The following PKHD1 variants were observed in gnomAD, a reference collection of about 807,000 sequenced individuals.
PKHD1 encodes fibrocystin.
Under a neutral mutation model 412.0 loss-of-function variants are expected in PKHD1, and 291 were observed. The observed-to-expected ratio is 0.71, with a 90% CI of 0.64 to 0.78. The LOEUF (loss-of-function observed/expected upper bound fraction) is 0.78, where lower values mean the gene tolerates loss of function less well. PKHD1 is among the 30% of genes least tolerant of loss of function. PKHD1 has a pLI of 0.00. For synonymous variants in PKHD1, 1,777 were observed against 1,821.5 expected (o/e 0.98, Z 0.62); for missense variants, 4,825 against 4,950.7 (o/e 0.97, Z 0.76).
At chr6:51,979,550 T>G (rs1794880427) in intron 35 of PKHD1, among the ~76,000 whole-genome samples, 3 of 151,166 alleles carry the variant, frequency 2.0e-5, no homozygotes, top group Admixed American at 1.3e-4. Context: ...TCCCTCTCTC[T>G]CTCCTCCTCC....
At chr6:51,758,497 C>T (rs1787438579) in intron 55 of PKHD1, among the ~76,000 whole-genome samples, 1 of 152,110 alleles carries the variant, frequency 6.6e-6, no homozygotes, top group African/African-American at 2.4e-5. Flanking sequence ...GCTCAAAATC[C>T]CAGCTGTATT....
intron 64 of PKHD1, among the ~76,000 whole-genome samples, chr6:51,633,221 G>A (rs2088555986): frequency 6.6e-6 from 1 of 152,138 alleles, no homozygotes; most frequent in African/African-American, 2.4e-5. Flanking sequence ...TAGAACAATG[G>A]CAGATAGAAC....
At chr6:52,028,492 A>G in intron 29 of PKHD1, 141 bp from the exon 30 acceptor site, 1 of 779,828 alleles carries the variant, frequency 1.3e-6, no homozygotes. Flanking sequence ...ATACCAACCT[A>G]AATTTTTCAA....
At chr6:51,840,986 T>G (rs1030539566) in intron 50 of PKHD1, among the ~76,000 whole-genome samples, 5 of 152,168 alleles carry the variant, frequency 3.3e-5, no homozygotes, top group Non-Finnish European at 7.4e-5. Flanking sequence ...AGTTAGGTTT[T>G]AAAAATAAGA....
At chr6:51,886,734 C>A (rs1778274532) in intron 44 of PKHD1, among the ~76,000 whole-genome samples, 1 of 151,992 alleles carries the variant, frequency 6.6e-6, no homozygotes, top group African/African-American at 2.4e-5. Flanking sequence ...TGGCAAAATG[C>A]CAAAGTATAG....
intron 61 of PKHD1, among the ~76,000 whole-genome samples, chr6:51,657,125 A>T (rs1771993137): frequency 6.6e-6 from 1 of 151,762 alleles, no homozygotes; most frequent in South Asian, 2.1e-4. Flanking sequence ...AATAATAAAA[A>T]AAAAAAAAAG....
chr6:51,910,283 A>G (rs1782751489), intron 39 of PKHD1, among the ~76,000 whole-genome samples: 1 of 152,138 alleles, frequency 6.6e-6, no homozygotes, highest in Admixed American at 6.6e-5. Flanking sequence ...TGGATAATAA[A>G]GATTTTTCAT....
At chr6:51,848,097 A>C in intron 49 of PKHD1, 127 bp from the exon 50 acceptor site, 1 of 705,124 alleles carries the variant, frequency 1.4e-6, no homozygotes, top group South Asian at 1.5e-5. Flanking sequence ...GAAATCATAC[A>C]ATTTAGACCC....
At chr6:52,079,814 G>T in intron 5 of PKHD1, 86 bp downstream of exon 5, 1 of 806,950 alleles carries the variant, frequency 1.2e-6, no homozygotes. Flanking sequence ...AAGCAGACAC[G>T]CTGGCTCATT....
rs565528098 is a variant in PKHD1, at chr6:51,867,870, T to C, written c.7726A>G (p.Ile2576Val). The change falls in exon 48 of 67, where the codon ATT becomes GTT. Residue 2576 changes from isoleucine (I) to valine (V), a missense_variant. By Grantham distance (29) the Ile-to-Val change is conservative (BLOSUM62 3). Coordinates refer to ENST00000371117, the MANE Select transcript of PKHD1 (RefSeq NM_138694.4). ...ATAGTTAATTCCACTTACAAACCAATAGACATACGATGAAAAAGAACACCT... is the reference window on the plus strand; with the variant it reads ...ATAGTTAATTCCACTTACAAACCAACAGACATACGATGAAAAAGAACACCT... ...GGGVLFHRMSIGLANTPEVSY... is the reference protein window; with the variant it reads ...GGGVLFHRMSVGLANTPEVSY... The C allele has an allele frequency of 2.8e-5, 45 of 1,613,140 alleles. No homozygotes were observed. The highest frequency in any genetic ancestry group is 8.3e-5 in the Admixed American group (5 of 59,908).
intron 60 of PKHD1, among the ~76,000 whole-genome samples, chr6:51,675,950 A>C (rs1775767293): frequency 1.3e-5 from 2 of 152,116 alleles, no homozygotes; most frequent in African/African-American, 4.8e-5. Context: ...AACTTCCTAA[A>C]ATACCCTGGT....
At position 51,975,963 on chromosome 6, in the gene PKHD1, T is replaced by TAAAAAAAAA. The variant is rs66774242; in HGVS notation, c.5752-15946_5752-15938dup. The TAAAAAAAAA allele has an allele frequency of 2.6e-4, 18 of 69,780 alleles. 1 individual carries two copies. Among genetic ancestry groups the TAAAAAAAAA allele is most frequent in the Admixed American group, 3.6e-4 (2 of 5,506 alleles). 4.3% of individuals were successfully genotyped at this position (69,780 alleles called of 1,614,324 possible). A position where few individuals can be genotyped will look rare whatever the true frequency, so the allele number is the denominator to read the frequency against. On this transcript the variant is annotated intron_variant, in intron 35 of 66. Coordinates refer to ENST00000371117, the MANE Select transcript of PKHD1 (RefSeq NM_138694.4). The stretch of plus-strand genomic sequence containing the variant: ...AACATAGCGAGACCCTTTCTCTAAT[T>TAAAAAAAAA]AAAAAAAAAAAAAAAAAAAAAAAAA...
chr6:52,062,933 T>C (rs1429687213), intron 13 of PKHD1, among the ~76,000 whole-genome samples: 1 of 152,134 alleles, frequency 6.6e-6, no homozygotes, highest in African/African-American at 2.4e-5. Flanking sequence ...AAAATGTGAA[T>C]TGAATGAGCA....
intron 60 of PKHD1, among the ~76,000 whole-genome samples, chr6:51,707,906 T>C (rs1434861088): frequency 6.6e-6 from 1 of 152,166 alleles, no homozygotes; most frequent in Non-Finnish European, 1.5e-5. Flanking sequence ...CTTCTCAATA[T>C]GCTTTGTGAG....
intron 43 of PKHD1, among the ~76,000 whole-genome samples, chr6:51,889,129 G>T (rs764722530): frequency 7.9e-5 from 12 of 152,006 alleles, no homozygotes; most frequent in African/African-American, 2.9e-4. Context: ...ATCACCTGGG[G>T]GTTTTCCATG....
intron 60 of PKHD1, among the ~76,000 whole-genome samples, chr6:51,673,675 A>C (rs555674594): frequency 3.9e-4 from 59 of 152,302 alleles, no homozygotes; most frequent in African/African-American, 1.3e-3. Context: ...CTCATGAAGC[A>C]GGTAGTCAGC....
chr6:52,044,797 T>C (rs1469525666), intron 25 of PKHD1, among the ~76,000 whole-genome samples, 169 bp downstream of exon 25: 1 of 152,230 alleles, frequency 6.6e-6, no homozygotes, highest in Admixed American at 6.5e-5. Context: ...TTCAGGGAAC[T>C]GTACATACCC....
chr6:51,868,225 ATTCATGC>A, intron 47 of PKHD1, 116 bp from the exon 48 acceptor site: 1 of 971,930 alleles, frequency 1.0e-6, no homozygotes, highest in Non-Finnish European at 1.6e-6. Flanking sequence ...CAATTCACCT[ATTCATGC>A]AAGAAAAAAA....
intron 4 of PKHD1, 124 bp from the exon 5 acceptor site, chr6:52,080,132 C>A (rs1238270006): frequency 3.2e-5 from 23 of 708,664 alleles, no homozygotes; most frequent in Non-Finnish European, 4.9e-5. Context: ...GGATTCCCAG[C>A]AGTCACCTTT....
Sources: gnomAD v4.1 joint callset for allele counts (sites outside exome capture counted in the v4.1 genomes callset) on GRCh38, gnomAD v4.1.1 for gene constraint, MANE v1.5 for transcripts, NCBI Gene and HGNC (gene_info 2026-07-23, HGNC 2026-07-21) for gene names.